CYRIB: variants seen among roughly 807,000 people sequenced by gnomAD.
CYRIB encodes the protein CYFIP-related Rac1 interactor B.
A neutral mutation model predicts 44.2 loss-of-function variants in CYRIB; 8 were observed. That is an observed-to-expected ratio of 0.18 (90% CI 0.11 to 0.33). CYRIB has a LOEUF of 0.33. CYRIB is among the 10% of genes least tolerant of loss of function. The pLI is 1.00. For synonymous variants in CYRIB, 131 were observed against 127.2 expected, an observed-to-expected ratio of 1.03 and a Z score of -0.20; for missense variants, 185 against 382.8, an observed-to-expected ratio of 0.48 and a Z score of 4.31.
chr8:129,888,951 G>C (rs1189961896), intron 2 of CYRIB, among the ~76,000 whole-genome samples: 1 of 152,080 alleles, frequency 6.6e-6, no homozygotes, highest in African/African-American at 2.4e-5. Context: ...AAATTAGCTG[G>C]GCAGGGTGGC....
chr8:129,916,490 AT>A (rs2080832473), intron 1 of CYRIB, among the ~76,000 whole-genome samples: 1 of 152,176 alleles, frequency 6.6e-6, no homozygotes, highest in Non-Finnish European at 1.5e-5. Flanking sequence ...ATGAATATCC[AT>A]TCTGATTTCA....
At chr8:129,983,528 T>G (rs2096331561) in intron 1 of CYRIB, among the ~76,000 whole-genome samples, 1 of 152,192 alleles carries the variant, frequency 6.6e-6, no homozygotes, top group South Asian at 2.1e-4. Context: ...AAAAAGTTTT[T>G]AAATAAGAAG....
intron 1 of CYRIB, among the ~76,000 whole-genome samples, chr8:130,006,778 A>G (rs2097111788): frequency 6.7e-6 from 1 of 149,290 alleles, no homozygotes; most frequent in Non-Finnish European, 1.5e-5. Context: ...GAACACATGC[A>G]TAGAGTATGC....
chr8:129,963,403 G>A (rs938148862), intron 2 of CYRIB, among the ~76,000 whole-genome samples: 3 of 152,236 alleles, frequency 2.0e-5, no homozygotes, highest in South Asian at 2.1e-4. Context: ...GATGAAGCAA[G>A]GTGATCCATA....
chr8:129,904,928 C>T (rs1483329342), intron 1 of CYRIB, among the ~76,000 whole-genome samples: 7 of 152,122 alleles, frequency 4.6e-5, no homozygotes, highest in East Asian at 1.9e-4. Context: ...GGCAAATAAA[C>T]GTGTGTGTTT....
At chr8:129,918,100 T>C (rs1191386131) in intron 1 of CYRIB, among the ~76,000 whole-genome samples, 4 of 152,294 alleles carry the variant, frequency 2.6e-5, no homozygotes, top group South Asian at 2.1e-4. Context: ...CAATTATCCA[T>C]GGACCACCAC....
chr8:129,910,477 C>CTTTTT (rs1171288097), intron 1 of CYRIB, among the ~76,000 whole-genome samples: 1 of 110,656 alleles, frequency 9.0e-6, no homozygotes, highest in Admixed American at 9.8e-5. Context: ...CCTTCTTTCA[C>CTTTTT]TTTTTTTTTT....
At chr8:129,986,737 A>C (rs1290714471) in intron 1 of CYRIB, among the ~76,000 whole-genome samples, 1 of 152,158 alleles carries the variant, frequency 6.6e-6, no homozygotes, top group Non-Finnish European at 1.5e-5. Flanking sequence ...AGCCTCCAGA[A>C]CTGTAAGAAA....
At chr8:129,888,385 T>C (rs1588693412) in intron 2 of CYRIB, among the ~76,000 whole-genome samples, 1 of 152,150 alleles carries the variant, frequency 6.6e-6, no homozygotes, top group South Asian at 2.1e-4. Flanking sequence ...CAGTCTCAGG[T>C]AGTTCTTCAT....
intron 1 of CYRIB, among the ~76,000 whole-genome samples, chr8:129,936,860 C>T (rs1031385327): frequency 6.6e-6 from 1 of 152,048 alleles, no homozygotes; most frequent in East Asian, 1.9e-4. Context: ...GCGCCCACCA[C>T]CACGCCCGGC....
intron 1 of CYRIB, among the ~76,000 whole-genome samples, chr8:129,905,006 A>G (rs1349611239): frequency 6.6e-6 from 1 of 152,204 alleles, no homozygotes. Context: ...CTCAATATCC[A>G]TGTAAAACAG....
At chr8:129,991,265 A>G (rs942181229) in intron 1 of CYRIB, among the ~76,000 whole-genome samples, 1 of 152,010 alleles carries the variant, frequency 6.6e-6, no homozygotes, top group Non-Finnish European at 1.5e-5. Context: ...GGCACTAAGT[A>G]TGTGCTCAAT....
Position 129,991,943 on chromosome 8 carries a change from CAAAAAAAAAAAA to C in CYRIB, c.-295-20960_-295-20949del, listed in dbSNP as rs35897320. ...TCCAGCCTGGGCAACAGCAGAGTCG[CAAAAAAAAAAAA>C]AAAAAAAAAAAAAAAAACAATAGGA... On this transcript the variant is annotated intron_variant, in intron 1 of 14. Transcript: ENST00000401979. Among the ~76,000 whole-genome samples the C allele has an allele frequency of 3.1e-4, 6 of 19,206 alleles. 1 individual carries two copies. The highest frequency in any genetic ancestry group is 1.3e-3 in the East Asian group (1 of 746). 12.6% of individuals were successfully genotyped at this position (19,206 alleles called of 152,430 possible).
At chr8:129,848,702 G>A (rs1011112271) in intron 10 of CYRIB, among the ~76,000 whole-genome samples, 15 of 151,796 alleles carry the variant, frequency 9.9e-5, no homozygotes, top group African/African-American at 3.6e-4. Context: ...CAACGTAGCT[G>A]TGACTACCGA....
chr8:129,904,506 T>C (rs1037014123), intron 1 of CYRIB: 1 of 152,148 alleles, frequency 6.6e-6, no homozygotes, highest in Non-Finnish European at 1.5e-5. Flanking sequence ...CACCCTTGGA[T>C]TGGCGTTCCC....
intron 1 of CYRIB, among the ~76,000 whole-genome samples, chr8:129,977,764 C>T (rs2096013364): frequency 6.6e-6 from 1 of 152,106 alleles, no homozygotes. Flanking sequence ...GATCTCCTGA[C>T]CTCGTGATCT....
intron 1 of CYRIB, among the ~76,000 whole-genome samples, chr8:130,009,614 A>G (rs1045856516): frequency 6.6e-6 from 1 of 152,162 alleles, no homozygotes; most frequent in African/African-American, 2.4e-5. Flanking sequence ...TTCAGATCCC[A>G]TCTCTGCCAG....
At chr8:130,000,745 A>T (rs4329313) in intron 1 of CYRIB, among the ~76,000 whole-genome samples, 5 of 151,790 alleles carry the variant, frequency 3.3e-5, no homozygotes, top group African/African-American at 1.2e-4. Flanking sequence ...AGCCAGGCAC[A>T]GTGGAGAGAG....
chr8:129,882,998 C>G (rs781158077), intron 2 of CYRIB, among the ~76,000 whole-genome samples: 2 of 150,668 alleles, frequency 1.3e-5, no homozygotes, highest in Non-Finnish European at 2.9e-5. Context: ...GAGTTCGAGA[C>G]CAGTCTGGCC....
Sources: gnomAD v4.1 joint callset for allele counts (sites outside exome capture counted in the v4.1 genomes callset) on GRCh38, gnomAD v4.1.1 for gene constraint, MANE v1.5 for transcripts, NCBI Gene and HGNC (gene_info 2026-07-23, HGNC 2026-07-21) for gene names.